The following CNTNAP2 variants were observed in gnomAD, a reference collection of about 807,000 sequenced individuals.
CNTNAP2 encodes the protein contactin-associated protein-like 2.
A neutral mutation model predicts 155.2 loss-of-function variants in CNTNAP2; 98 were observed. That is an observed-to-expected ratio of 0.63 (90% CI 0.54 to 0.75). The LOEUF (loss-of-function observed/expected upper bound fraction) is 0.75. CNTNAP2 is among the 30% of genes least tolerant of loss of function. The pLI, the probability that CNTNAP2 is intolerant of heterozygous loss-of-function variation, is 0.00. For synonymous variants in CNTNAP2, 651 were observed against 631.2 expected (o/e 1.03, Z -0.47); for missense variants, 1,727 against 1,688.1 (o/e 1.02, Z -0.40).
intron 21 of CNTNAP2, among the ~76,000 whole-genome samples, chr7:148,373,253 C>T (rs540811305): frequency 1.3e-5 from 2 of 151,972 alleles, no homozygotes; most frequent in African/African-American, 2.4e-5. Flanking sequence ...GTCAGGAGTT[C>T]GAGACCAGCC....
At chr7:147,667,594 G>C (rs566772006) in intron 13 of CNTNAP2, among the ~76,000 whole-genome samples, 1 of 152,208 alleles carries the variant, frequency 6.6e-6, no homozygotes, top group African/African-American at 2.4e-5. Context: ...AGTACTATTG[G>C]AGAATAACAT....
intron 1 of CNTNAP2, among the ~76,000 whole-genome samples, chr7:146,711,887 ATCT>A (rs1801084973): frequency 1.0e-5 from 1 of 98,312 alleles, no homozygotes; most frequent in East Asian, 2.5e-4. Flanking sequence ...TAGTATACAC[ATCT>A]TATGTATACT....
intron 1 of CNTNAP2, among the ~76,000 whole-genome samples, chr7:146,119,855 T>C (rs1797537514): frequency 1.3e-5 from 2 of 152,034 alleles, no homozygotes; most frequent in South Asian, 4.1e-4. Context: ...TATACGTGTA[T>C]ATATACACAC....
chr7:147,980,652 C>T (rs991257179), intron 15 of CNTNAP2, among the ~76,000 whole-genome samples: 10 of 151,724 alleles, frequency 6.6e-5, no homozygotes, highest in Non-Finnish European at 1.2e-4. Flanking sequence ...CGGCCGGGCG[C>T]GGTGGCTCAC....
At chr7:147,221,641 G>GA (rs1803403983) in intron 8 of CNTNAP2, among the ~76,000 whole-genome samples, 1 of 152,076 alleles carries the variant, frequency 6.6e-6, no homozygotes, top group Non-Finnish European at 1.5e-5. Context: ...AAGAAGTTAA[G>GA]AAAAAATTTT....
At chr7:148,022,563 T>C (rs1313611426) in intron 15 of CNTNAP2, among the ~76,000 whole-genome samples, 1 of 152,108 alleles carries the variant, frequency 6.6e-6, no homozygotes, top group Non-Finnish European at 1.5e-5. Flanking sequence ...TTAGTGACCA[T>C]GGCTATGGGA....
At chr7:148,382,404 C>G (rs968784152) in intron 21 of CNTNAP2, among the ~76,000 whole-genome samples, 1 of 152,148 alleles carries the variant, frequency 6.6e-6, no homozygotes, top group Non-Finnish European at 1.5e-5. Flanking sequence ...GGCTTTGAAA[C>G]AATTGATTTT....
Position 146,404,338 on chromosome 7 carries a change from G to T in CNTNAP2, c.97+287365G>T, listed in dbSNP as rs147277763. Among the ~76,000 whole-genome samples the T allele has an allele frequency of 4.6e-3, 706 of 152,232 alleles. 6 individuals are homozygous for T. The highest frequency in any genetic ancestry group is 0.016 in the African/African-American group (668 of 41,546). On this transcript the variant is annotated intron_variant, in intron 1 of 23. Transcript: ENST00000361727. ...GGGCACATCCAGGTTACCCTGCATGGTTGGGCCGCAAACCATGGCCTGGGG... is the reference window on the plus strand; with the variant it reads ...GGGCACATCCAGGTTACCCTGCATGTTTGGGCCGCAAACCATGGCCTGGGG...
At chr7:146,401,680 C>T (rs1045549540) in intron 1 of CNTNAP2, among the ~76,000 whole-genome samples, 9 of 152,114 alleles carry the variant, frequency 5.9e-5, no homozygotes, top group African/African-American at 1.2e-4. Context: ...ACATCTGCCT[C>T]GTGTGTTTTG....
intron 11 of CNTNAP2, among the ~76,000 whole-genome samples, chr7:147,547,430 T>C (rs1384563035): frequency 6.6e-6 from 1 of 151,964 alleles, no homozygotes; most frequent in East Asian, 1.9e-4. Context: ...CAGCAACAGG[T>C]ATTACATTCA....
chr7:146,521,604 G>A (rs916802939), intron 1 of CNTNAP2, among the ~76,000 whole-genome samples: 5 of 151,956 alleles, frequency 3.3e-5, no homozygotes, highest in African/African-American at 1.2e-4. Context: ...CTGTCACTAT[G>A]TTAAACACCA....
intron 15 of CNTNAP2, among the ~76,000 whole-genome samples, chr7:148,102,613 A>T (rs926367979): frequency 6.6e-6 from 1 of 152,236 alleles, no homozygotes; most frequent in Non-Finnish European, 1.5e-5. Flanking sequence ...TAACTTATTT[A>T]ATATTTGATT....
At chr7:147,799,116 G>A (rs897923110) in intron 13 of CNTNAP2, among the ~76,000 whole-genome samples, 1 of 152,138 alleles carries the variant, frequency 6.6e-6, no homozygotes, top group Non-Finnish European at 1.5e-5. Context: ...AAAATAATAA[G>A]AGAATTCTGC....
chr7:147,925,204 AAG>A (rs1491275758), intron 14 of CNTNAP2, among the ~76,000 whole-genome samples: 5 of 149,652 alleles, frequency 3.3e-5, no homozygotes, highest in African/African-American at 1.3e-4. Flanking sequence ...GGAAGGAAGG[AAG>A]GAAAGAAGGA....
chr7:146,637,912 T>C (rs1002216569), intron 1 of CNTNAP2, among the ~76,000 whole-genome samples: 17 of 152,354 alleles, frequency 1.1e-4, no homozygotes, highest in African/African-American at 3.6e-4. Flanking sequence ...ATATATGTTA[T>C]TTGATTTGTA....
intron 15 of CNTNAP2, among the ~76,000 whole-genome samples, chr7:148,019,869 C>T (rs79464190): frequency 0.24 from 36,365 of 152,026 alleles, 5,496 homozygotes; most frequent in East Asian, 0.5. Flanking sequence ...TCACTGCAAC[C>T]TCCACCTCCT....
intron 9 of CNTNAP2, among the ~76,000 whole-genome samples, chr7:147,392,783 A>C (rs1796743028): frequency 6.6e-6 from 1 of 152,078 alleles, no homozygotes; most frequent in Non-Finnish European, 1.5e-5. Context: ...AAAATGTGGA[A>C]CCAGCTCAAA....
At chr7:147,047,166 T>C (rs1799380755) in intron 4 of CNTNAP2, among the ~76,000 whole-genome samples, 1 of 142,910 alleles carries the variant, frequency 7.0e-6, no homozygotes, top group Non-Finnish European at 1.5e-5. Flanking sequence ...TGGAGTGCAG[T>C]TGTGCAATCT....
intron 12 of CNTNAP2, among the ~76,000 whole-genome samples, chr7:147,600,236 A>G (rs1479150481): frequency 6.6e-6 from 1 of 152,190 alleles, no homozygotes; most frequent in African/African-American, 2.4e-5. Flanking sequence ...TAGGAGGCTT[A>G]AAAGTTCTAC....
Sources: gnomAD v4.1 joint callset for allele counts (sites outside exome capture counted in the v4.1 genomes callset) on GRCh38, gnomAD v4.1.1 for gene constraint, MANE v1.5 for transcripts, NCBI Gene and HGNC (gene_info 2026-07-23, HGNC 2026-07-21) for gene names.